STAG1: variants seen among roughly 807,000 people sequenced by gnomAD.
STAG1 encodes cohesin subunit SA-1.
A neutral mutation model predicts 170.9 loss-of-function variants in STAG1; 26 were observed. That is an observed-to-expected ratio of 0.15 (90% CI 0.11 to 0.21). The LOEUF (loss-of-function observed/expected upper bound fraction) is 0.21, where lower values mean the gene tolerates loss of function less well. STAG1 is among the 10% of genes least tolerant of loss of function. The pLI is 1.00. For synonymous variants in STAG1, 514 were observed against 497.7 expected (o/e 1.03, Z -0.44); for missense variants, 964 against 1,509.5 (o/e 0.64, Z 5.99).
Position 136,338,132 on chromosome 3 carries a change from T to C in STAG1, c.*122A>G. The C allele has an allele frequency of 1.5e-6, 1 of 683,620 alleles. No individual in the cohort carries two copies. The highest frequency in any genetic ancestry group is 1.8e-5 in the South Asian group (1 of 54,548). The allele number at this position is 683,620 out of a possible 1,614,324, so 42.3% of individuals were successfully genotyped here. The stretch of plus-strand genomic sequence containing the variant: ...CACTGCAAAAAGGGATTGACCTTAA[T>C]CATTTGATTAAAAAACAAATCAGAT... On this transcript the variant is annotated 3_prime_UTR_variant, in exon 34 of 34. Coordinates refer to ENST00000383202, the MANE Select transcript of STAG1 (RefSeq NM_005862.3).
chr3:136,423,121 A>G lies in STAG1; in HGVS notation c.1651-77T>C, dbSNP rs1207733763. The G allele has an allele frequency of 1.1e-5, 10 of 887,480 alleles. No homozygotes were observed. The Admixed American group carries it at 3.3e-4, about 29-fold the overall frequency. 55.0% of individuals were successfully genotyped at this position (887,480 alleles called of 1,614,324 possible). ...AAACTGTTACATATATTGATGAAGC[A>G]CTGGCAAATAATATAACCACAAATT... On this transcript the variant is annotated intron_variant, in intron 16 of 33. Coordinates refer to ENST00000383202, the MANE Select transcript of STAG1 (RefSeq NM_005862.3).
intron 16 of STAG1, among the ~76,000 whole-genome samples, chr3:136,427,911 G>C (rs2088180696): frequency 1.3e-5 from 2 of 152,142 alleles, no homozygotes; most frequent in Non-Finnish European, 2.9e-5. Flanking sequence ...AGGATAGTTT[G>C]ATAATTTTAG....
At chr3:136,424,239 A>G (rs1401259749) in intron 16 of STAG1, among the ~76,000 whole-genome samples, 7 of 152,086 alleles carry the variant, frequency 4.6e-5, no homozygotes, top group Non-Finnish European at 1.0e-4. Context: ...TGTATTCAAT[A>G]CATTGAAAAG....
intron 1 of STAG1, among the ~76,000 whole-genome samples, chr3:136,634,511 C>A (rs1406396703): frequency 1.3e-5 from 2 of 149,028 alleles, no homozygotes. Flanking sequence ...AATTAGAATA[C>A]TTGGAGATAA....
At chr3:136,696,573 C>T (rs1006608686) in intron 1 of STAG1, among the ~76,000 whole-genome samples, 25 of 151,880 alleles carry the variant, frequency 1.6e-4, no homozygotes, top group Non-Finnish European at 2.9e-4. Flanking sequence ...TCAACTATAA[C>T]AAATGTACCA....
At chr3:136,469,578 C>G (rs1307162686) in intron 12 of STAG1, among the ~76,000 whole-genome samples, 17 of 152,264 alleles carry the variant, frequency 1.1e-4, no homozygotes, top group African/African-American at 3.1e-4. Flanking sequence ...TTTATAGATT[C>G]AATGCCATCC....
intron 3 of STAG1, among the ~76,000 whole-genome samples, chr3:136,617,963 T>C (rs909098518): frequency 6.6e-6 from 1 of 152,242 alleles, no homozygotes; most frequent in African/African-American, 2.4e-5. Context: ...TACTCATTAA[T>C]CTTTTGTTGT....
intron 1 of STAG1, among the ~76,000 whole-genome samples, chr3:136,647,192 A>G (rs1020970358): frequency 1.3e-5 from 2 of 152,220 alleles, no homozygotes; most frequent in East Asian, 3.8e-4. Flanking sequence ...ATGGTGTTCA[A>G]TATGATTCCA....
intron 21 of STAG1, among the ~76,000 whole-genome samples, chr3:136,416,844 CTTTT>C (rs66573534): frequency 3.9e-5 from 5 of 127,178 alleles, no homozygotes; most frequent in African/African-American, 6.2e-5. Flanking sequence ...TCATAATTAA[CTTTT>C]TTTTTTTTTT....
At position 136,338,362 on chromosome 3, in the gene STAG1, A is replaced by C. The variant is rs376501222; in HGVS notation, c.3753+8T>G. ...ATAAATAAAAAGCAGTAATAATTTG[A>C]CATTTACTGAATCATCTTCTATGAT... On this transcript the variant is annotated splice_region_variant and intron_variant, in intron 33 of 33. Transcript: ENST00000383202. The C allele has an allele frequency of 9.1e-5, 146 of 1,609,646 alleles. No individual in the cohort carries two copies. The highest frequency in any genetic ancestry group is 1.2e-4 in the Non-Finnish European group (137 of 1,176,122).
intron 2 of STAG1, among the ~76,000 whole-genome samples, chr3:136,630,488 T>C (rs1382656207): frequency 6.6e-6 from 1 of 152,196 alleles, no homozygotes; most frequent in Non-Finnish European, 1.5e-5. Context: ...TTCCACGCAA[T>C]ACTATCACTG....
chr3:136,541,357 A>G (rs1218837894), intron 6 of STAG1, among the ~76,000 whole-genome samples: 1 of 152,170 alleles, frequency 6.6e-6, no homozygotes, highest in Non-Finnish European at 1.5e-5. Flanking sequence ...CCATAAATAC[A>G]ATACAGAAAT....
At chr3:136,389,059 G>C (rs1208116926) in intron 22 of STAG1, among the ~76,000 whole-genome samples, 1 of 151,834 alleles carries the variant, frequency 6.6e-6, no homozygotes, top group Non-Finnish European at 1.5e-5. Context: ...GCCTCCCAAA[G>C]TGTCTAAATA....
chr3:136,617,600 A>C (rs1000391825), intron 3 of STAG1, among the ~76,000 whole-genome samples: 2 of 152,158 alleles, frequency 1.3e-5, no homozygotes, highest in Non-Finnish European at 2.9e-5. Context: ...TGGTAACAAC[A>C]GGGTTGGTAC....
In STAG1 at chr3:136,338,202, G is replaced by A; in HGVS notation, c.*52C>T. The stretch of plus-strand genomic sequence containing the variant: ...CCCATACAAGCTATCACAGTATATA[G>A]GCCTCTAGCTCTAAATAATAGAGTT... On this transcript the variant is annotated 3_prime_UTR_variant, in exon 34 of 34. Transcript: ENST00000383202. 1 of 1,270,704 alleles carries A rather than the reference G, an allele frequency of 7.9e-7. No individual in the cohort carries two copies. Among genetic ancestry groups the A allele is most frequent in the Non-Finnish European group, 1.1e-6 (1 of 873,730 alleles). 78.7% of individuals were successfully genotyped at this position (1,270,704 alleles called of 1,614,324 possible).
intron 21 of STAG1, among the ~76,000 whole-genome samples, chr3:136,402,434 T>A (rs2108347422): frequency 6.6e-6 from 1 of 150,778 alleles, no homozygotes; most frequent in Non-Finnish European, 1.5e-5. Flanking sequence ...GCCAGGCTGG[T>A]CTCGAACTCC....
At chr3:136,450,912 A>T (rs2088917386) in intron 14 of STAG1, among the ~76,000 whole-genome samples, 1 of 152,026 alleles carries the variant, frequency 6.6e-6, no homozygotes, top group South Asian at 2.1e-4. Context: ...ACGCTCAGCT[A>T]ATTTTTTTCT....
At chr3:136,700,047 A>G (rs1943005259) in intron 1 of STAG1, among the ~76,000 whole-genome samples, 1 of 151,702 alleles carries the variant, frequency 6.6e-6, no homozygotes, top group South Asian at 2.1e-4. Flanking sequence ...TTACTTTAAA[A>G]TATCTAAAAT....
At chr3:136,544,608 C>A (rs1936066865) in intron 5 of STAG1, among the ~76,000 whole-genome samples, 1 of 151,578 alleles carries the variant, frequency 6.6e-6, no homozygotes, top group East Asian at 1.9e-4. Context: ...ACTAAAAATA[C>A]AAAAAAACAG....
Sources: allele counts gnomAD v4.1 joint callset (sites outside exome capture counted in the v4.1 genomes callset), GRCh38; gene constraint gnomAD v4.1.1; transcripts MANE v1.5; gene names NCBI Gene and HGNC (gene_info 2026-07-23, HGNC 2026-07-21).